CSRP1: variants seen among roughly 807,000 people sequenced by gnomAD.
The protein encoded by CSRP1 is cysteine and glycine-rich protein 1.
Under a neutral mutation model 25.4 loss-of-function variants are expected in CSRP1, and 16 were observed. The ratio of observed to expected loss-of-function variants is 0.63; its 90% CI spans 0.43 to 0.96. The LOEUF is 0.96. CSRP1 is among the 40% of genes least tolerant of loss of function. CSRP1 has a pLI of 0.00. For missense variants in CSRP1, 212 were observed against 243.6 expected (o/e 0.87, Z 0.86); for synonymous variants, 97 against 95.3 (o/e 1.02, Z -0.10).
intron 4 of CSRP1, chr1:201,486,287 G>A (rs373812233): frequency 2.0e-5 from 19 of 945,950 alleles, no homozygotes; most frequent in Admixed American, 6.2e-5. Context: ...AGACTTCTCC[G>A]CAGCCAGTTC....
chr1:201,490,025 A>G, intron 3 of CSRP1, 151 bp downstream of exon 3: 1 of 735,698 alleles, frequency 1.4e-6, no homozygotes, highest in Non-Finnish European at 2.2e-6. Flanking sequence ...GCAGCCTGAC[A>G]CATAGACACT....
intron 3 of CSRP1, 185 bp downstream of exon 3, chr1:201,489,991 C>T (rs1044104443): frequency 5.3e-6 from 3 of 570,944 alleles, no homozygotes; most frequent in African/African-American, 3.7e-5. Context: ...TGTTTTAGTC[C>T]CTGCTGCATC....
chr1:201,485,263 T>C lies in CSRP1; in HGVS notation c.505+20A>G, dbSNP rs372988504. 1.4e-5 allele frequency: 23 copies of C among 1,612,868 alleles called. No homozygotes were observed. In the African/African-American group the frequency reaches 3.1e-4, roughly 22 times the overall value. On this transcript the variant is annotated intron_variant, in intron 5 of 5. Coordinates refer to ENST00000340006, the MANE Select transcript of CSRP1 (RefSeq NM_004078.3). ...CCCCCTTGGGCCTCCTGACCCTCAATTAGAAGTGAAAACACCCACCTTTGC... is the reference window on the plus strand; with the variant it reads ...CCCCCTTGGGCCTCCTGACCCTCAACTAGAAGTGAAAACACCCACCTTTGC...
rs1388656859 is a variant in CSRP1 at position 201,496,237 on chromosome 1, C to T, written c.67G>A (p.Val23Ile). 2 of 1,614,228 alleles carry T rather than the reference C, an allele frequency of 1.2e-6. No individual in the cohort carries two copies. The highest frequency in any genetic ancestry group is 1.6e-4 in the Middle Eastern group (1 of 6,062). The part of the protein sequence containing the change: ...CQKTVYFAEE[V>I]QCEGNSFHKS... The stretch of plus-strand genomic sequence containing the variant: ...TGGAAGCTGTTGCCTTCGCACTGAA[C>T]CTCTTCGGCAAAGTAAACCGTCTTC... The change falls in exon 2 of 6, where the codon GTT becomes ATT. Residue 23 changes from valine to isoleucine, a missense_variant. Transcript: ENST00000340006.
chr1:201,488,799 C>A (rs1262169412), intron 4 of CSRP1, 56 bp downstream of exon 4: 3 of 1,596,872 alleles, frequency 1.9e-6, no homozygotes, highest in East Asian at 4.5e-5. Context: ...GTTCTGGAAT[C>A]CACATTTCAG....
rs757522331 is a variant in CSRP1, at chr1:201,485,330, A to T, written c.458T>A (p.Leu153His). 3.1e-6 allele frequency: 5 copies of T among 1,614,180 alleles called. No individual in the cohort carries two copies. In the Admixed American group the frequency reaches 8.3e-5, roughly 27 times the overall value. The part of the protein sequence containing the change: ...CFRCAKCGKG[L>H]ESTTLADKDG... The stretch of plus-strand genomic sequence containing the variant: ...CTTGTCTGCCAGGGTGGTTGACTCA[A>T]GGCCTTTGCCACACTTGGCACATCG... The change falls in exon 5 of 6, where the codon CTT becomes CAT. Residue 153 changes from leucine to histidine, a missense_variant. By Grantham distance (99) the Leu-to-His change is moderately conservative (BLOSUM62 -3). Coordinates refer to ENST00000340006, the MANE Select transcript of CSRP1 (RefSeq NM_004078.3).
chr1:201,485,652 G>A (rs1664112495), intron 4 of CSRP1: 1 of 450,576 alleles, frequency 2.2e-6, no homozygotes, highest in East Asian at 3.8e-5. Context: ...TGAGGGGGTG[G>A]GTTTAACACC....
intron 1 of CSRP1, among the ~76,000 whole-genome samples, chr1:201,501,538 T>C (rs1189218979): frequency 6.6e-6 from 1 of 152,182 alleles, no homozygotes; most frequent in Non-Finnish European, 1.5e-5. Flanking sequence ...CTGCTGCATC[T>C]TCCTAGCCTG....
At chr1:201,504,165 G>A (rs867611715) in intron 1 of CSRP1, among the ~76,000 whole-genome samples, 8 of 152,222 alleles carry the variant, frequency 5.3e-5, no homozygotes, top group Admixed American at 1.3e-4. Context: ...CTGAGCATAC[G>A]TTTTGGAAAC....
At chr1:201,503,728 T>C (rs1375279439) in intron 1 of CSRP1, among the ~76,000 whole-genome samples, 1 of 152,186 alleles carries the variant, frequency 6.6e-6, no homozygotes, top group East Asian at 1.9e-4. Flanking sequence ...ACCATATAAA[T>C]TCTTGACAAC....
In CSRP1 at chr1:201,507,084, G is replaced by C. The variant is rs1268275900; in HGVS notation, c.-16C>G. 3 of 152,222 alleles carry C rather than the reference G, an allele frequency of 2.0e-5. No individual in the cohort carries two copies. The highest frequency in any genetic ancestry group is 4.8e-5 in the African/African-American group (2 of 41,460). 9.4% of individuals were successfully genotyped at this position (152,222 alleles called of 1,614,324 possible). Reference sequence around the variant, plus strand: ...GGCGCACTCACCTGGCAGCTGGCTCGGCGGCGCAGGGGCGGCAGGCGCTCT... The same window carrying C: ...GGCGCACTCACCTGGCAGCTGGCTCCGCGGCGCAGGGGCGGCAGGCGCTCT... On this transcript the variant is annotated 5_prime_UTR_variant, in exon 1 of 6. Transcript: ENST00000340006.
At chr1:201,486,221 T>C in intron 4 of CSRP1, 1 of 365,788 alleles carries the variant, frequency 2.7e-6, no homozygotes, top group Non-Finnish European at 3.8e-6. Flanking sequence ...CAAACAGCTG[T>C]CCCAGAAAAA....
intron 4 of CSRP1, chr1:201,488,599 C>G (rs1664226227): frequency 3.0e-6 from 1 of 330,292 alleles, no homozygotes; most frequent in Non-Finnish European, 5.7e-6. Context: ...ATTAGAGATA[C>G]AGATTGATCA....
chr1:201,504,337 C>T (rs1571791001), intron 1 of CSRP1, among the ~76,000 whole-genome samples: 1 of 152,206 alleles, frequency 6.6e-6, no homozygotes, highest in Non-Finnish European at 1.5e-5. Context: ...ATTTCTCACA[C>T]TGTCTGGTAC....
At position 201,500,275 on chromosome 1, in the gene CSRP1, G is replaced by C. The variant is rs1031690256; in HGVS notation, c.-1-3971C>G. On this transcript the variant is annotated intron_variant, in intron 1 of 5. Transcript: ENST00000340006. The stretch of plus-strand genomic sequence containing the variant: ...AAAATTCCCCTAGCCACATGGTTGG[G>C]AGCCAGTTCCAAGCACTGTTTTGTT... Among the ~76,000 whole-genome samples the C allele has an allele frequency of 4.6e-5, 7 of 152,354 alleles. No individual in the cohort carries two copies. In the East Asian group the frequency reaches 1.2e-3, roughly 25 times the overall value.
intron 3 of CSRP1, 193 bp from the exon 4 acceptor site, chr1:201,489,177 T>G: frequency 1.8e-6 from 1 of 564,464 alleles, no homozygotes; most frequent in Non-Finnish European, 3.0e-6. Context: ...CAGCACAATG[T>G]TATTTCCATT....
intron 1 of CSRP1, among the ~76,000 whole-genome samples, chr1:201,500,349 C>A (rs1466537566): frequency 2.0e-5 from 3 of 152,260 alleles, no homozygotes; most frequent in African/African-American, 7.2e-5. Context: ...CAGCTCCATA[C>A]AGGCCTCCCC....
chr1:201,503,252 T>C (rs1055903173), intron 1 of CSRP1, among the ~76,000 whole-genome samples: 2 of 152,236 alleles, frequency 1.3e-5, no homozygotes, highest in East Asian at 1.9e-4. Context: ...TAAAGCCTCA[T>C]AGACAAATTA....
rs1557975136 is a variant in CSRP1 at position 201,496,552 on chromosome 1, T to C, written c.-1-248A>G. 5.6e-6 allele frequency: 3 copies of C among 533,062 alleles called. No individual in the cohort carries two copies. In the East Asian group the frequency reaches 9.8e-5, roughly 17 times the overall value. The allele number at this position is 533,062 out of a possible 1,614,324, so 33.0% of individuals were successfully genotyped here. On this transcript the variant is annotated intron_variant, in intron 1 of 5. Transcript: ENST00000340006. Reference sequence around the variant, plus strand: ...AGAGCAGCTGCTGCATTTTCAGCCCTGTGCTAGGCACTCTAAAGGATGTGG... The same window carrying C: ...AGAGCAGCTGCTGCATTTTCAGCCCCGTGCTAGGCACTCTAAAGGATGTGG...
Sources: allele counts gnomAD v4.1 joint callset (sites outside exome capture counted in the v4.1 genomes callset), GRCh38; gene constraint gnomAD v4.1.1; transcripts MANE v1.5; gene names NCBI Gene and HGNC (gene_info 2026-07-23, HGNC 2026-07-21).